The following KIAA0513 variants were observed in gnomAD, a reference collection of about 807,000 sequenced individuals.
The protein encoded by KIAA0513 is uncharacterized protein KIAA0513.
KIAA0513 carries 39 observed loss-of-function variants against 56.5 expected under a neutral mutation model. The ratio of observed to expected loss-of-function variants is 0.69; its 90% CI spans 0.53 to 0.90. KIAA0513 has a LOEUF of 0.90. KIAA0513 is among the 40% of genes least tolerant of loss of function. The pLI is 0.00. For synonymous variants in KIAA0513, 268 were observed against 215.6 expected (o/e 1.24, Z -2.13); for missense variants, 591 against 535.2 (o/e 1.10, Z -1.03).
At chr16:85,029,693 C>A (rs72803555) in intron 1 of KIAA0513, among the ~76,000 whole-genome samples, 9,279 of 152,288 alleles carry the variant, frequency 0.061, 299 homozygotes, top group East Asian at 0.074. Context: ...GAAACACGAA[C>A]AGCAGCCTGG....
chr16:85,045,294 C>G (rs1439734880), intron 1 of KIAA0513, among the ~76,000 whole-genome samples: 1 of 152,122 alleles, frequency 6.6e-6, no homozygotes, highest in Non-Finnish European at 1.5e-5. Context: ...GATTTATGGC[C>G]AAGCACTCAC....
intron 1 of KIAA0513, among the ~76,000 whole-genome samples, chr16:85,047,792 A>G (rs1308276842): frequency 6.6e-6 from 1 of 152,034 alleles, no homozygotes; most frequent in Non-Finnish European, 1.5e-5. Context: ...CTGGATATCG[A>G]GTTGTATTTA....
At chr16:85,075,030 T>C (rs1256716167) in intron 4 of KIAA0513, among the ~76,000 whole-genome samples, 1 of 145,898 alleles carries the variant, frequency 6.9e-6, no homozygotes, top group Non-Finnish European at 1.5e-5. Context: ...TATATATGTT[T>C]GTATAGTTGC....
chr16:85,067,864 G>A (rs1001381080), intron 2 of KIAA0513, among the ~76,000 whole-genome samples: 2 of 151,904 alleles, frequency 1.3e-5, no homozygotes, highest in East Asian at 3.9e-4. Flanking sequence ...AGGCTGGAGT[G>A]CAGTGGTGCG....
Position 85,092,556 on chromosome 16 carries a change from A to G in KIAA0513, c.*4231A>G, listed in dbSNP as rs765352957. The G allele has an allele frequency of 6.6e-6, 1 of 152,224 alleles. No homozygotes were observed. Among genetic ancestry groups the G allele is most frequent in the Non-Finnish European group, 1.5e-5 (1 of 68,042 alleles). 9.4% of individuals were successfully genotyped at this position (152,224 alleles called of 1,614,324 possible). ...TCCGCAGCCACAAGGCGAAACGGCC[A>G]GATTCTCACTCAAGGTCGTTCTCAC... On this transcript the variant is annotated 3_prime_UTR_variant, in exon 13 of 13. Coordinates refer to ENST00000683363, the MANE Select transcript of KIAA0513 (RefSeq NM_001388359.1).
intron 1 of KIAA0513, among the ~76,000 whole-genome samples, chr16:85,059,460 G>A (rs1187848038): frequency 6.6e-6 from 1 of 152,200 alleles, no homozygotes; most frequent in Non-Finnish European, 1.5e-5. Flanking sequence ...AGTCATAGGA[G>A]GCAGTATCCA....
intron 1 of KIAA0513, among the ~76,000 whole-genome samples, chr16:85,030,426 G>A (rs2072948045): frequency 6.6e-6 from 1 of 152,130 alleles, no homozygotes; most frequent in Non-Finnish European, 1.5e-5. Flanking sequence ...GGCATTGTAT[G>A]CATTATGGTG....
intron 10 of KIAA0513, among the ~76,000 whole-genome samples, chr16:85,085,946 C>G (rs1412737196): frequency 6.6e-6 from 1 of 152,152 alleles, no homozygotes; most frequent in East Asian, 1.9e-4. Context: ...GGGTCACGGT[C>G]AAAGAGACTG....
intron 1 of KIAA0513, among the ~76,000 whole-genome samples, chr16:85,052,741 G>A (rs191614188): frequency 1.3e-5 from 2 of 152,134 alleles, no homozygotes; most frequent in Non-Finnish European, 2.9e-5. Flanking sequence ...TGGTTTGGGG[G>A]CAGGTGCTTT....
At chr16:85,077,130 C>G (rs1233633826) in intron 5 of KIAA0513, among the ~76,000 whole-genome samples, 1 of 152,324 alleles carries the variant, frequency 6.6e-6, no homozygotes, top group African/African-American at 2.4e-5. Flanking sequence ...CCTCGCCTGC[C>G]TGCAGACCCT....
intron 1 of KIAA0513, among the ~76,000 whole-genome samples, chr16:85,045,353 C>T (rs2073157491): frequency 6.6e-6 from 1 of 151,854 alleles, no homozygotes; most frequent in African/African-American, 2.4e-5. Context: ...AAGCAGAGAC[C>T]CAATGACCTT....
intron 1 of KIAA0513, among the ~76,000 whole-genome samples, chr16:85,034,776 C>T (rs888827453): frequency 6.6e-6 from 1 of 152,152 alleles, no homozygotes; most frequent in Non-Finnish European, 1.5e-5. Context: ...CCAAGGTTAC[C>T]GTCCCCATTT....
intron 1 of KIAA0513, among the ~76,000 whole-genome samples, chr16:85,030,351 G>A (rs965892230): frequency 3.3e-5 from 5 of 152,172 alleles, no homozygotes; most frequent in Non-Finnish European, 5.9e-5. Context: ...AGAGAAATGC[G>A]GTGGTTGTGA....
chr16:85,048,540 C>CA (rs1019411171), intron 1 of KIAA0513, among the ~76,000 whole-genome samples: 8 of 151,292 alleles, frequency 5.3e-5, no homozygotes, highest in Non-Finnish European at 1.2e-4. Context: ...CTTTTTTTCT[C>CA]AAAAAACAAA....
intron 1 of KIAA0513, among the ~76,000 whole-genome samples, chr16:85,058,052 G>T (rs146140844): frequency 6.6e-6 from 1 of 152,202 alleles, no homozygotes; most frequent in Non-Finnish European, 1.5e-5. Context: ...GTTCACAGCA[G>T]AATGACAATT....
intron 1 of KIAA0513, among the ~76,000 whole-genome samples, chr16:85,037,144 A>G (rs1329053014): frequency 1.3e-5 from 2 of 152,070 alleles, no homozygotes; most frequent in African/African-American, 2.4e-5. Context: ...CTGGCAGACC[A>G]TCTTCTTCAG....
chr16:85,067,302 CT>C lies in KIAA0513; in HGVS notation c.233del (p.Phe78SerfsTer63). 1 of 1,612,318 alleles carries C rather than the reference CT, an allele frequency of 6.2e-7. No individual in the cohort carries two copies. The highest frequency in any genetic ancestry group is 8.5e-7 in the Non-Finnish European group (1 of 1,179,630). On this transcript the variant is annotated frameshift_variant, in exon 2 of 13. Transcript: ENST00000683363. ...QDRRSSSNES[F>X]SSNQSTESTQ... ...ACCGCCGTTCCTCCTCCAACGAGTC[CT>C]TCTCCTCCAACCAGAGCACCGAGTC...
chr16:85,082,279 G>T (rs72805487), intron 9 of KIAA0513, among the ~76,000 whole-genome samples: 1 of 152,088 alleles, frequency 6.6e-6, no homozygotes, highest in Non-Finnish European at 1.5e-5. Flanking sequence ...AGAGGGGCTC[G>T]TGGAGAGGGA....
chr16:85,088,248 T>C (rs112098651), intron 12 of KIAA0513, 28 bp from the exon 13 acceptor site: 2 of 1,606,940 alleles, frequency 1.2e-6, no homozygotes, highest in African/African-American at 1.3e-5. Context: ...GTCTTTCATC[T>C]GAGAAATAAC....
Sources: allele counts gnomAD v4.1 joint callset (sites outside exome capture counted in the v4.1 genomes callset), GRCh38; gene constraint gnomAD v4.1.1; transcripts MANE v1.5; gene names NCBI Gene and HGNC (gene_info 2026-07-23, HGNC 2026-07-21).